Variants in NAALADL2 observed in about 807,000 individuals in gnomAD.
NAALADL2 encodes the protein N-acetylated alpha-linked acidic dipeptidase like 2.
NAALADL2 carries 76 observed loss-of-function variants against 87.2 expected under a neutral mutation model. That is an observed-to-expected ratio of 0.87 (90% CI 0.72 to 1.05). The LOEUF is 1.05. NAALADL2 is among the 50% of genes least tolerant of loss of function. NAALADL2 has a pLI of 0.00. For missense variants in NAALADL2, 1,089 were observed against 945.8 expected (o/e 1.15, Z -1.99); for synonymous variants, 354 against 331.0 (o/e 1.07, Z -0.75).
intron 3 of NAALADL2, among the ~76,000 whole-genome samples, chr3:174,798,382 C>T (rs1305245355): frequency 6.6e-6 from 1 of 152,134 alleles, no homozygotes; most frequent in Non-Finnish European, 1.5e-5. Context: ...GCCTTGTTCT[C>T]TCTTGTTAAG....
intron 3 of NAALADL2, among the ~76,000 whole-genome samples, chr3:174,830,731 A>C (rs1722579305): frequency 6.6e-6 from 1 of 152,054 alleles, no homozygotes. Flanking sequence ...GATTCTTCCT[A>C]CCCATGAGCA....
intron 5 of NAALADL2, among the ~76,000 whole-genome samples, chr3:175,408,498 T>C (rs1021425401): frequency 3.2e-4 from 49 of 152,088 alleles, no homozygotes; most frequent in African/African-American, 1.0e-3. Flanking sequence ...CTTACTGCTT[T>C]GGAATGACCA....
intron 6 of NAALADL2, among the ~76,000 whole-genome samples, chr3:175,457,330 C>T (rs1233692571): frequency 1.3e-5 from 2 of 152,064 alleles, no homozygotes; most frequent in African/African-American, 4.8e-5. Flanking sequence ...CCTATGATCA[C>T]TTGATTAAGG....
chr3:175,386,791 T>C (rs1768431885), intron 5 of NAALADL2, among the ~76,000 whole-genome samples: 1 of 152,132 alleles, frequency 6.6e-6, no homozygotes, highest in Admixed American at 6.6e-5. Flanking sequence ...ATGCTACTTG[T>C]ATGTTAGTCA....
intron 5 of NAALADL2, among the ~76,000 whole-genome samples, chr3:175,375,627 C>A (rs1392745251): frequency 6.6e-6 from 1 of 152,026 alleles, no homozygotes; most frequent in Non-Finnish European, 1.5e-5. Context: ...GTCACTCTAG[C>A]CTTTTCCATC....
At chr3:175,248,692 C>T (rs1258512355) in intron 3 of NAALADL2, among the ~76,000 whole-genome samples, 2 of 152,164 alleles carry the variant, frequency 1.3e-5, no homozygotes, top group African/African-American at 4.8e-5. Context: ...AGAAAGATTG[C>T]CGTGGCCACT....
At chr3:174,864,298 T>C (rs185096547) in intron 1 of NAALADL2, among the ~76,000 whole-genome samples, 60 of 152,182 alleles carry the variant, frequency 3.9e-4, no homozygotes, top group African/African-American at 1.4e-3. Flanking sequence ...GGAAGTGGAA[T>C]CTTTACCTTA....
chr3:175,516,288 A>G (rs1731822191), intron 9 of NAALADL2, among the ~76,000 whole-genome samples: 1 of 152,224 alleles, frequency 6.6e-6, no homozygotes, highest in Admixed American at 6.5e-5. Context: ...ATATTGGCCC[A>G]TATCTCTTCA....
chr3:175,029,360 A>G (rs1004443994), intron 1 of NAALADL2, among the ~76,000 whole-genome samples: 1 of 152,046 alleles, frequency 6.6e-6, no homozygotes, highest in Non-Finnish European at 1.5e-5. Flanking sequence ...TAATTTAAAA[A>G]TGGGGGACCC....
chr3:175,626,574 A>G (rs1282891888), intron 10 of NAALADL2, among the ~76,000 whole-genome samples: 1 of 151,768 alleles, frequency 6.6e-6, no homozygotes, highest in African/African-American at 2.4e-5. Context: ...GTATCTCCGA[A>G]ATGCCCCCTC....
chr3:175,597,688 A>G (rs908923303), intron 10 of NAALADL2, among the ~76,000 whole-genome samples: 1 of 151,954 alleles, frequency 6.6e-6, no homozygotes, highest in East Asian at 1.9e-4. Context: ...TGCCTACTAA[A>G]TGCCACTATA....
intron 11 of NAALADL2, among the ~76,000 whole-genome samples, chr3:175,689,169 A>G (rs1181009271): frequency 6.6e-6 from 1 of 152,218 alleles, no homozygotes; most frequent in Non-Finnish European, 1.5e-5. Context: ...AGACAAAAGA[A>G]TAAATTAGCA....
chr3:175,640,651 T>C (rs1729155657), intron 11 of NAALADL2, among the ~76,000 whole-genome samples: 1 of 152,184 alleles, frequency 6.6e-6, no homozygotes, highest in Non-Finnish European at 1.5e-5. Context: ...ACTCTTTTTA[T>C]TCACAATAGC....
intron 2 of NAALADL2, among the ~76,000 whole-genome samples, chr3:175,100,838 CAA>C (rs562200946): frequency 0.1 from 7,235 of 69,132 alleles, 492 homozygotes; most frequent in African/African-American, 0.29. Context: ...GACTCTGTCT[CAA>C]AAAAAAAAAA....
At chr3:175,741,028 T>C (rs1447822988) in intron 12 of NAALADL2, among the ~76,000 whole-genome samples, 2 of 151,738 alleles carry the variant, frequency 1.3e-5, no homozygotes, top group African/African-American at 4.8e-5. Context: ...CACAAGAGAG[T>C]AAAGGGAGAA....
intron 1 of NAALADL2, among the ~76,000 whole-genome samples, chr3:174,481,967 G>A (rs1029323176): frequency 3.3e-5 from 5 of 152,026 alleles, no homozygotes; most frequent in Admixed American, 1.3e-4. Context: ...ATTATGTTGT[G>A]TGTACACACA....
intron 1 of NAALADL2, among the ~76,000 whole-genome samples, chr3:174,507,626 G>A (rs773365082): frequency 7.6e-6 from 1 of 131,786 alleles, no homozygotes; most frequent in Non-Finnish European, 1.8e-5. Context: ...CTACACAACA[G>A]TTTTTAGGTT....
chr3:174,744,236 G>C (rs1018817216), intron 3 of NAALADL2, among the ~76,000 whole-genome samples: 3 of 151,894 alleles, frequency 2.0e-5, no homozygotes, highest in Non-Finnish European at 4.4e-5. Flanking sequence ...GGATTATCCA[G>C]GCGGGCCCAA....
At chr3:175,749,529 C>A (rs1399514642) in intron 12 of NAALADL2, among the ~76,000 whole-genome samples, 1 of 151,824 alleles carries the variant, frequency 6.6e-6, no homozygotes, top group African/African-American at 2.4e-5. Flanking sequence ...AACACTGTTT[C>A]CAACATGGCA....
Sources: gnomAD v4.1 joint callset for allele counts (sites outside exome capture counted in the v4.1 genomes callset) on GRCh38, gnomAD v4.1.1 for gene constraint, MANE v1.5 for transcripts, NCBI Gene and HGNC (gene_info 2026-07-23, HGNC 2026-07-21) for gene names.